Variants in CCBE1 observed in about 807,000 individuals in gnomAD.
The protein encoded by CCBE1 is collagen and calcium binding EGF domains 1.
CCBE1 carries 37 observed loss-of-function variants against 50.0 expected under a neutral mutation model. The observed-to-expected ratio is 0.74, with a 90% CI of 0.57 to 0.97. CCBE1 has a LOEUF of 0.97. CCBE1 is among the 50% of genes least tolerant of loss of function. The pLI, the probability that CCBE1 is intolerant of heterozygous loss-of-function variation, is 0.00. For missense variants in CCBE1, 538 were observed against 523.8 expected (o/e 1.03, Z -0.26); for synonymous variants, 234 against 203.7 (o/e 1.15, Z -1.27).
At chr18:59,552,704 T>C (rs990665275) in intron 2 of CCBE1, among the ~76,000 whole-genome samples, 2 of 152,250 alleles carry the variant, frequency 1.3e-5, no homozygotes, top group Non-Finnish European at 2.9e-5. Flanking sequence ...CAAATTCATT[T>C]ATCATAATGT....
intron 5 of CCBE1, chr18:59,458,945 G>A (rs1477544479): frequency 1.3e-5 from 2 of 152,224 alleles, no homozygotes; most frequent in African/African-American, 4.8e-5. Context: ...GGAGTTACAT[G>A]ATCAGAACTT....
chr18:59,460,889 C>T (rs58603837), intron 5 of CCBE1, among the ~76,000 whole-genome samples: 20,359 of 151,180 alleles, frequency 0.13, 1,648 homozygotes, highest in African/African-American at 0.22. Flanking sequence ...GAGCGGATAT[C>T]GCGCCACTGC....
chr18:59,495,803 C>T lies in CCBE1; in HGVS notation c.213-15565G>A, dbSNP rs547435728. ...AAGATGTACGAGGGGGCACTGCGGCCGCCCTGGTTCTCCAGGCAACTGCCG... is the reference window on the plus strand; with the variant it reads ...AAGATGTACGAGGGGGCACTGCGGCTGCCCTGGTTCTCCAGGCAACTGCCG... On this transcript the variant is annotated intron_variant, in intron 2 of 10. Coordinates refer to ENST00000439986, the MANE Select transcript of CCBE1 (RefSeq NM_133459.4). Among the ~76,000 whole-genome samples the T allele has an allele frequency of 7.2e-5, 11 of 152,178 alleles. No homozygotes were observed. In the South Asian group the frequency reaches 1.2e-3, roughly 17 times the overall value.
intron 3 of CCBE1, among the ~76,000 whole-genome samples, chr18:59,472,068 A>G (rs681195): frequency 0.75 from 113,356 of 152,154 alleles, 42,453 homozygotes; most frequent in Middle Eastern, 0.82. Context: ...CAGCCTCACT[A>G]TATCCCATTT....
At chr18:59,588,531 A>T (rs570949115) in intron 2 of CCBE1, among the ~76,000 whole-genome samples, 4 of 152,152 alleles carry the variant, frequency 2.6e-5, no homozygotes, top group Non-Finnish European at 4.4e-5. Flanking sequence ...TGATCCTCAT[A>T]TAATTGGAAC....
chr18:59,639,872 A>G (rs1362249808), intron 2 of CCBE1, among the ~76,000 whole-genome samples: 1 of 152,224 alleles, frequency 6.6e-6, no homozygotes, highest in Admixed American at 6.5e-5. Context: ...GGGGCCAAAT[A>G]AAGAATACAA....
intron 2 of CCBE1, among the ~76,000 whole-genome samples, chr18:59,630,550 G>T (rs1338615322): frequency 2.7e-5 from 4 of 150,054 alleles, no homozygotes; most frequent in Non-Finnish European, 5.9e-5. Context: ...TCACTTAACT[G>T]GCAGATGGGC....
chr18:59,689,999 C>T (rs1183994697), intron 2 of CCBE1, among the ~76,000 whole-genome samples: 1 of 152,046 alleles, frequency 6.6e-6, no homozygotes, highest in Non-Finnish European at 1.5e-5. Flanking sequence ...TGACATTAAT[C>T]AAATGTATGT....
rs144321404 is a variant in CCBE1, at chr18:59,647,330, G to C, written c.212+49299C>G. ...CACAGGAAATGACCATATGTTATGT[G>C]AAAAAAATATGTACCCACAGGATCT... is the stretch of plus-strand genomic sequence containing the variant. On this transcript the variant is annotated intron_variant, in intron 2 of 10. Coordinates refer to ENST00000439986, the MANE Select transcript of CCBE1 (RefSeq NM_133459.4). 1.1e-4 allele frequency among the ~76,000 whole-genome samples: 17 copies of C among 152,090 alleles called. No homozygotes were observed. In the East Asian group the frequency reaches 3.3e-3, roughly 29 times the overall value.
chr18:59,582,882 A>C (rs2053105806), intron 2 of CCBE1, among the ~76,000 whole-genome samples: 1 of 152,198 alleles, frequency 6.6e-6, no homozygotes, highest in Non-Finnish European at 1.5e-5. Flanking sequence ...GCACTATCAT[A>C]GCTCACTGCA....
chr18:59,605,989 T>C (rs568294563), intron 2 of CCBE1, among the ~76,000 whole-genome samples: 50 of 152,168 alleles, frequency 3.3e-4, no homozygotes, highest in Non-Finnish European at 6.0e-4. Context: ...GAACTGTAGA[T>C]TTCTGCCTGA....
chr18:59,668,958 G>T (rs1311498431), intron 2 of CCBE1, among the ~76,000 whole-genome samples: 1 of 151,132 alleles, frequency 6.6e-6, no homozygotes, highest in Non-Finnish European at 1.5e-5. Flanking sequence ...CAGAGTAGCT[G>T]GGATTACTGG....
chr18:59,582,189 C>G (rs193085177), intron 2 of CCBE1, among the ~76,000 whole-genome samples: 7 of 152,124 alleles, frequency 4.6e-5, no homozygotes, highest in Non-Finnish European at 8.8e-5. Context: ...GTTTAAGGTT[C>G]GAGTCAAAAG....
At chr18:59,472,113 C>T (rs1483440706) in intron 3 of CCBE1, among the ~76,000 whole-genome samples, 1 of 152,232 alleles carries the variant, frequency 6.6e-6, no homozygotes, top group Admixed American at 6.5e-5. Flanking sequence ...ATCTGGTAGC[C>T]CCTCCTCAAA....
At chr18:59,623,264 G>A (rs1324561961) in intron 2 of CCBE1, among the ~76,000 whole-genome samples, 3 of 152,190 alleles carry the variant, frequency 2.0e-5, no homozygotes, top group Non-Finnish European at 4.4e-5. Context: ...TACTTCTTCT[G>A]CTGTCAGTTA....
chr18:59,528,088 G>C (rs1341394978), intron 2 of CCBE1, among the ~76,000 whole-genome samples: 4 of 152,140 alleles, frequency 2.6e-5, no homozygotes, highest in Non-Finnish European at 5.9e-5. Flanking sequence ...ACTTGGCTCT[G>C]TTCTCCCCTT....
At chr18:59,529,162 C>A (rs1384413645) in intron 2 of CCBE1, among the ~76,000 whole-genome samples, 1 of 143,556 alleles carries the variant, frequency 7.0e-6, no homozygotes, top group Non-Finnish European at 1.5e-5. Flanking sequence ...AAACCCCTGG[C>A]TGGAGTTGCT....
intron 2 of CCBE1, among the ~76,000 whole-genome samples, chr18:59,500,936 G>A (rs907946461): frequency 1.3e-5 from 2 of 152,172 alleles, no homozygotes; most frequent in African/African-American, 4.8e-5. Flanking sequence ...ACCTCATACA[G>A]AGCTCCTCTG....
chr18:59,524,138 T>A (rs551806096), intron 2 of CCBE1, among the ~76,000 whole-genome samples: 3 of 152,130 alleles, frequency 2.0e-5, no homozygotes, highest in Non-Finnish European at 4.4e-5. Flanking sequence ...CTGACCAACA[T>A]CATGAAACTG....
Sources: gnomAD v4.1 joint callset for allele counts (sites outside exome capture counted in the v4.1 genomes callset) on GRCh38, gnomAD v4.1.1 for gene constraint, MANE v1.5 for transcripts, NCBI Gene and HGNC (gene_info 2026-07-23, HGNC 2026-07-21) for gene names.